Variants in AAMDC observed in about 807,000 individuals in gnomAD.
AAMDC encodes mth938 domain-containing protein.
In AAMDC, 16 loss-of-function variants were observed where a neutral mutation model predicts 15.5. The observed-to-expected ratio is 1.03, with a 90% CI of 0.70 to 1.57. AAMDC has a LOEUF of 1.57. Among genes scored for constraint, AAMDC ranks in the 40% most tolerant of loss-of-function variants. The probability of loss-of-function intolerance (pLI) is 0.00; values close to 1 mark genes in which losing one functional copy is unlikely to be tolerated. For missense variants in AAMDC, 141 were observed against 144.9 expected, an observed-to-expected ratio of 0.97 and a Z score of 0.14; for synonymous variants, 51 against 51.6, an observed-to-expected ratio of 0.99 and a Z score of 0.05.
downstream of AAMDC, among the ~76,000 whole-genome samples, chr11:77,874,145 G>A (rs539391014): frequency 6.3e-4 from 96 of 152,272 alleles, no homozygotes; most frequent in African/African-American, 2.2e-3. Flanking sequence ...ATCAGTTTAT[G>A]GCATACACCT....
At chr11:77,871,310 T>C (rs1951420161) in intron 3 of AAMDC, among the ~76,000 whole-genome samples, 1 of 152,230 alleles carries the variant, frequency 6.6e-6, no homozygotes, top group African/African-American at 2.4e-5. Context: ...AAATATCTAA[T>C]AATAGCTGTC....
downstream of AAMDC, among the ~76,000 whole-genome samples, chr11:77,904,930 A>C (rs1399896296): frequency 1.3e-5 from 2 of 152,200 alleles, no homozygotes; most frequent in Non-Finnish European, 2.9e-5. Flanking sequence ...TATGAGTGCC[A>C]AGCTGACAAG....
At chr11:77,883,025 G>A (rs547083728) in intron 5 of AAMDC, among the ~76,000 whole-genome samples, 3 of 152,152 alleles carry the variant, frequency 2.0e-5, no homozygotes, top group East Asian at 1.9e-4. Context: ...GCAGTGAGCC[G>A]AGATTGCACC....
chr11:77,879,613 G>C (rs551280678), intron 5 of AAMDC, among the ~76,000 whole-genome samples: 1 of 152,264 alleles, frequency 6.6e-6, no homozygotes, highest in East Asian at 1.9e-4. Flanking sequence ...TCTGGCCAAT[G>C]AACAGGAACA....
intron 1 of AAMDC, among the ~76,000 whole-genome samples, chr11:77,835,043 ACTTC>A (rs1326353509): frequency 2.0e-5 from 3 of 152,240 alleles, no homozygotes; most frequent in Non-Finnish European, 4.4e-5. Flanking sequence ...GGAGACTAGT[ACTTC>A]CTTAATACAT....
intron 2 of AAMDC, among the ~76,000 whole-genome samples, chr11:77,847,320 C>T (rs189218385): frequency 2.0e-5 from 3 of 152,276 alleles, no homozygotes; most frequent in Admixed American, 6.5e-5. Context: ...TTTTATCTGG[C>T]ATTTGGTTTA....
intron 2 of AAMDC, among the ~76,000 whole-genome samples, chr11:77,867,758 A>G (rs747382172): frequency 6.6e-6 from 1 of 152,232 alleles, no homozygotes; most frequent in Non-Finnish European, 1.5e-5. Context: ...AGAAGCTACC[A>G]TCCTTTAATG....
intron 5 of AAMDC, among the ~76,000 whole-genome samples, chr11:77,890,876 G>A (rs1329900435): frequency 1.3e-5 from 2 of 152,134 alleles, no homozygotes; most frequent in Non-Finnish European, 2.9e-5. Context: ...TATGTAACTT[G>A]GGAAAGAATA....
chr11:77,884,766 T>A, intron 5 of AAMDC: 1 of 395,430 alleles, frequency 2.5e-6, no homozygotes, highest in Non-Finnish European at 5.2e-6. Context: ...TTTCTTTTTT[T>A]TTCTTTAAAA....
At chr11:77,826,349 G>A (rs979741115) in intron 1 of AAMDC, among the ~76,000 whole-genome samples, 3 of 149,840 alleles carry the variant, frequency 2.0e-5, no homozygotes, top group African/African-American at 7.4e-5. Context: ...GTGACAGAGT[G>A]AGACATCATC....
rs867246952 is a variant in AAMDC at position 77,888,640 on chromosome 11, A to C, written c.328+11591A>C. 8.2e-3 allele frequency among the ~76,000 whole-genome samples: 1,251 copies of C among 151,788 alleles called. 18 individuals carry two copies. Among genetic ancestry groups the C allele is most frequent in the African/African-American group, 0.027 (1,112 of 41,078 alleles). ...ACTACCATCAGAGTGAACAGGCAAC[A>C]TACAAAATGGGAGAAAATTTTCGTA... On this transcript the variant is annotated intron_variant, in intron 5 of 5. Transcript: ENST00000304716.
intron 5 of AAMDC, chr11:77,878,958 T>C: frequency 6.2e-7 from 1 of 1,613,926 alleles, no homozygotes; most frequent in East Asian, 2.2e-5. Context: ...CTTAGCGCCG[T>C]GCAGGTTTGG....
At chr11:77,851,799 A>G (rs1950395711) in intron 2 of AAMDC, among the ~76,000 whole-genome samples, 1 of 152,154 alleles carries the variant, frequency 6.6e-6, no homozygotes, top group Admixed American at 6.6e-5. Flanking sequence ...TCATGCTTGT[A>G]CAGCCTGCAG....
At position 77,889,038 on chromosome 11, in the gene AAMDC, C is replaced by T. The variant is rs184531330; in HGVS notation, c.329-11533C>T. On this transcript the variant is annotated intron_variant, in intron 5 of 5. Transcript: ENST00000304716. ...GTGGCAATTCCTCAGGGATCTAGAA[C>T]TAGAAATACCATTTGACCCAGTCAT... 6.2e-3 allele frequency among the ~76,000 whole-genome samples: 942 copies of T among 152,230 alleles called. 6 individuals are homozygous for T. The highest frequency in any genetic ancestry group is 0.021 in the African/African-American group (863 of 41,542).
intron 2 of AAMDC, among the ~76,000 whole-genome samples, chr11:77,854,501 T>G (rs994990969): frequency 6.6e-6 from 1 of 152,202 alleles, no homozygotes. Flanking sequence ...TACAGGCCCA[T>G]GCAAGTCTGA....
chr11:77,898,792 G>C (rs1952643426), intron 5 of AAMDC, among the ~76,000 whole-genome samples: 1 of 152,158 alleles, frequency 6.6e-6, no homozygotes, highest in Non-Finnish European at 1.5e-5. Flanking sequence ...GGCCAAGGCA[G>C]GTGGATCACT....
intron 2 of AAMDC, among the ~76,000 whole-genome samples, chr11:77,868,243 G>A (rs1303567461): frequency 2.6e-5 from 4 of 151,172 alleles, no homozygotes; most frequent in African/African-American, 9.7e-5. Flanking sequence ...GTTTAGTGGA[G>A]ACGGGGTTTC....
intron 5 of AAMDC, chr11:77,884,060 A>G: frequency 8.8e-7 from 1 of 1,133,100 alleles, no homozygotes; most frequent in Non-Finnish European, 1.3e-6. Flanking sequence ...ACATGACACC[A>G]ACTTTACTAA....
At chr11:77,828,392 G>A (rs1949274213) in intron 1 of AAMDC, among the ~76,000 whole-genome samples, 1 of 152,094 alleles carries the variant, frequency 6.6e-6, no homozygotes, top group Non-Finnish European at 1.5e-5. Context: ...TTATAGCCGG[G>A]TGCGGTGGCT....
Sources: allele counts gnomAD v4.1 joint callset (sites outside exome capture counted in the v4.1 genomes callset), GRCh38; gene constraint gnomAD v4.1.1; transcripts MANE v1.5; gene names NCBI Gene and HGNC (gene_info 2026-07-23, HGNC 2026-07-21).